Variants in ANXA7 observed in about 807,000 individuals in gnomAD.
ANXA7 encodes the protein annexin VII.
Under a neutral mutation model 64.9 loss-of-function variants are expected in ANXA7, and 55 were observed. The observed-to-expected ratio is 0.85, with a 90% CI of 0.68 to 1.06. The LOEUF (loss-of-function observed/expected upper bound fraction) is 1.06. Among genes scored for constraint, ANXA7 ranks in the 50% least tolerant of loss-of-function variants. ANXA7 has a pLI of 0.00. For missense variants in ANXA7, 548 were observed against 582.1 expected, an observed-to-expected ratio of 0.94 and a Z score of 0.60; for synonymous variants, 200 against 192.4, an observed-to-expected ratio of 1.04 and a Z score of -0.33.
At chr10:73,404,701 A>G (rs2055724475) in intron 1 of ANXA7, among the ~76,000 whole-genome samples, 1 of 145,162 alleles carries the variant, frequency 6.9e-6, no homozygotes, top group Non-Finnish European at 1.5e-5. Flanking sequence ...GATAAAGACA[A>G]ATATCCCTAT....
At chr10:73,397,804 G>A (rs992502375) in intron 3 of ANXA7, among the ~76,000 whole-genome samples, 1 of 152,118 alleles carries the variant, frequency 6.6e-6, no homozygotes, top group East Asian at 1.9e-4. Flanking sequence ...AATACAAAAG[G>A]GCTAAGGTTT....
At chr10:73,392,077 T>A (rs906188183) in intron 5 of ANXA7, among the ~76,000 whole-genome samples, 3 of 151,758 alleles carry the variant, frequency 2.0e-5, no homozygotes, top group Admixed American at 6.6e-5. Context: ...AACACCTCTA[T>A]GCAAATAAAC....
chr10:73,406,288 T>C (rs544663548), intron 1 of ANXA7, among the ~76,000 whole-genome samples: 2 of 152,258 alleles, frequency 1.3e-5, no homozygotes, highest in South Asian at 4.1e-4. Flanking sequence ...TCCTTTGAAA[T>C]GCCTCTTCTG....
intron 1 of ANXA7, among the ~76,000 whole-genome samples, chr10:73,406,910 C>A (rs1158615788): frequency 2.0e-5 from 3 of 151,994 alleles, no homozygotes; most frequent in African/African-American, 7.3e-5. Flanking sequence ...CAACACCTAA[C>A]CCTCAACGTG....
intron 5 of ANXA7, among the ~76,000 whole-genome samples, chr10:73,395,373 C>G (rs1447731523): frequency 6.6e-6 from 1 of 152,104 alleles, no homozygotes; most frequent in Non-Finnish European, 1.5e-5. Context: ...ATATAGAAAT[C>G]AATAAGAAAA....
chr10:73,390,814 T>A (rs1194808274), intron 5 of ANXA7, among the ~76,000 whole-genome samples: 1 of 150,672 alleles, frequency 6.6e-6, no homozygotes, highest in Non-Finnish European at 1.5e-5. Context: ...CTGCCGAAAG[T>A]CTAAGTTTGA....
At chr10:73,380,610 C>T (rs1034381392) in intron 9 of ANXA7, among the ~76,000 whole-genome samples, 1 of 152,060 alleles carries the variant, frequency 6.6e-6, no homozygotes, top group African/African-American at 2.4e-5. Context: ...TCCATAATGT[C>T]TGTCATGCAT....
chr10:73,392,350 T>A (rs1340520622), intron 5 of ANXA7, among the ~76,000 whole-genome samples: 9 of 152,194 alleles, frequency 5.9e-5, no homozygotes, highest in Non-Finnish European at 1.0e-4. Context: ...ACTCATTTTA[T>A]AAGGCCAACA....
Position 73,398,235 on chromosome 10 carries a change from G to C in ANXA7, c.205C>G (p.Pro69Ala), listed in dbSNP as rs766559502. The C allele has an allele frequency of 6.8e-6, 11 of 1,614,028 alleles. No individual in the cohort carries two copies. The highest frequency in any genetic ancestry group is 9.3e-6 in the Non-Finnish European group (11 of 1,179,992). Residue 69 changes from proline to alanine, a missense_variant, in exon 3 of 13, where the codon CCT (proline) becomes GCT (alanine). Transcript: ENST00000372921. ...TGTGGGGCACCAGGATAGCCTCCAGGGGCTGGATAACCTCCAGGCGCAGGG... is the reference window on the plus strand; with the variant it reads ...TGTGGGGCACCAGGATAGCCTCCAGCGGCTGGATAACCTCCAGGCGCAGGG... ...GYPAPGGYPA[P>A]GGYPGAPQPG...
rs78636994 is a variant in ANXA7 at position 73,380,143 on chromosome 10, C to T, written c.977G>A (p.Arg326His). The T allele has an allele frequency of 4.4e-4, 708 of 1,614,100 alleles. 9 individuals carry two copies. The East Asian group carries it at 0.014, about 33-fold the overall frequency. ...TCTCCCCTCACCAGCTTGATAGAGA[C>T]GCTGAGCATCTTCCTGAGCCATTTG... ...NHQMAQEDAQ[R>H]LYQAGEGRLG... Residue 326 changes from arginine to histidine, a missense_variant, in exon 10 of 13, where the codon CGT becomes CAT. By Grantham distance (29) the Arg-to-His change is conservative (BLOSUM62 0). Coordinates refer to ENST00000372921, the MANE Select transcript of ANXA7 (RefSeq NM_001156.5).
chr10:73,391,436 C>T (rs529991771), intron 5 of ANXA7, among the ~76,000 whole-genome samples: 1 of 151,782 alleles, frequency 6.6e-6, no homozygotes, highest in South Asian at 2.1e-4. Context: ...CACAGCAAAA[C>T]CTTCATCTTT....
intron 7 of ANXA7, among the ~76,000 whole-genome samples, chr10:73,384,590 TG>T (rs1456705183): frequency 1.3e-5 from 2 of 152,024 alleles, no homozygotes; most frequent in Non-Finnish European, 2.9e-5. Flanking sequence ...TTAGTAGAGA[TG>T]GGGTTTCACA....
chr10:73,381,840 C>T (rs2055280006), intron 9 of ANXA7, among the ~76,000 whole-genome samples: 1 of 122,580 alleles, frequency 8.2e-6, no homozygotes, highest in Non-Finnish European at 1.6e-5. Context: ...ATTTACTTTG[C>T]TTTCTCATTT....
chr10:73,393,104 C>T (rs534615400), intron 5 of ANXA7, among the ~76,000 whole-genome samples: 16 of 152,010 alleles, frequency 1.1e-4, no homozygotes, highest in African/African-American at 2.9e-4. Context: ...CACTCACAAT[C>T]GCTTCAAAGA....
At chr10:73,380,664 T>C (rs2055261393) in intron 9 of ANXA7, among the ~76,000 whole-genome samples, 6 of 152,214 alleles carry the variant, frequency 3.9e-5, no homozygotes, top group Admixed American at 3.3e-4. Flanking sequence ...TAATTTATTA[T>C]ACTGTCAACT....
In ANXA7 at chr10:73,398,241, G is replaced by T. The variant is rs2055607590; in HGVS notation, c.199C>A (p.Pro67Thr). The part of the protein sequence containing the change: ...AGGYPAPGGY[P>T]APGGYPGAPQ... ...GCACCAGGATAGCCTCCAGGGGCTG[G>T]ATAACCTCCAGGCGCAGGGTAGCCT... The change falls in exon 3 of 13, where the codon CCA becomes ACA. Residue 67 changes from proline to threonine, a missense_variant. Coordinates refer to ENST00000372921, the MANE Select transcript of ANXA7 (RefSeq NM_001156.5). 1 of 1,613,882 alleles carries T rather than the reference G, an allele frequency of 6.2e-7. No homozygotes were observed. Among genetic ancestry groups the T allele is most frequent in the South Asian group, 1.1e-5 (1 of 91,072 alleles).
Position 73,375,952 on chromosome 10 carries a change from A to G in ANXA7, c.*143T>C. Reference sequence around the variant, plus strand: ...AATTAAGGCAATAACAACATGTGCAAACCAAGCACATTACCCTGATACGGT... The same window carrying G: ...AATTAAGGCAATAACAACATGTGCAGACCAAGCACATTACCCTGATACGGT... On this transcript the variant is annotated 3_prime_UTR_variant, in exon 13 of 13. Coordinates refer to ENST00000372921, the MANE Select transcript of ANXA7 (RefSeq NM_001156.5). The G allele has an allele frequency of 1.7e-6, 1 of 594,810 alleles. No individual in the cohort carries two copies. Among genetic ancestry groups the G allele is most frequent in the South Asian group, 3.9e-5 (1 of 25,596 alleles). The allele number at this position is 594,810 out of a possible 1,614,324, so 36.8% of individuals were successfully genotyped here. A position where few individuals can be genotyped will look rare whatever the true frequency, so the allele number is the denominator to read the frequency against.
intron 2 of ANXA7, among the ~76,000 whole-genome samples, chr10:73,399,332 C>T (rs1483004184): frequency 1.3e-5 from 2 of 152,240 alleles, no homozygotes; most frequent in Non-Finnish European, 2.9e-5. Context: ...TTAGCCTACA[C>T]TGACTGAAAT....
Position 73,383,635 on chromosome 10 carries a change from A to T in ANXA7, c.689T>A (p.Leu230Gln), listed in dbSNP as rs1440577015. The T allele has an allele frequency of 6.2e-7, 1 of 1,614,032 alleles. No homozygotes were observed. Among genetic ancestry groups the T allele is most frequent in the Non-Finnish European group, 8.5e-7 (1 of 1,179,918 alleles). ...ATACGTAGGAGGCATGAAGAGGGCCAGGATCAGTTCTTCCATATTTCCACT... is the reference window on the plus strand; with the variant it reads ...ATACGTAGGAGGCATGAAGAGGGCCTGGATCAGTTCTTCCATATTTCCACT... ...ELSGNMEELI[L>Q]ALFMPPTYYD... Residue 230 changes from leucine to glutamine, a missense_variant, in exon 8 of 13, where the codon CTG becomes CAG. By Grantham distance (113) the Leu-to-Gln change is moderately radical. Transcript: ENST00000372921.
Sources: gnomAD v4.1 joint callset for allele counts (sites outside exome capture counted in the v4.1 genomes callset) on GRCh38, gnomAD v4.1.1 for gene constraint, MANE v1.5 for transcripts, NCBI Gene and HGNC (gene_info 2026-07-23, HGNC 2026-07-21) for gene names.